The following COPS5 variants were observed in gnomAD, a reference collection of about 807,000 sequenced individuals.
The protein encoded by COPS5 is COP9 signalosome subunit 5, also known as COP9 signalosome complex subunit 5.
COPS5 carries 8 observed loss-of-function variants against 44.4 expected under a neutral mutation model. The ratio of observed to expected loss-of-function variants is 0.18; its 90% CI spans 0.11 to 0.32. COPS5 has a LOEUF of 0.32. Among genes scored for constraint, COPS5 ranks in the 10% least tolerant of loss-of-function variants. The probability of loss-of-function intolerance (pLI) is 1.00; values close to 1 mark genes in which losing one functional copy is unlikely to be tolerated. For missense variants in COPS5, 159 were observed against 406.4 expected, an observed-to-expected ratio of 0.39 and a Z score of 5.23; for synonymous variants, 122 against 142.8, an observed-to-expected ratio of 0.85 and a Z score of 1.04.
Position 67,059,330 on chromosome 8 carries a change from C to T in COPS5, c.259G>A (p.Gly87Ser). 1 of 1,614,182 alleles carries T rather than the reference C, an allele frequency of 6.2e-7. No homozygotes were observed. The highest frequency in any genetic ancestry group is 8.5e-7 in the Non-Finnish European group (1 of 1,180,016). Reference sequence around the variant, plus strand: ...CTGTCCATAATGATCATGGTTTCACCATCCACCTTTCCTAGCATCAGACCC... The same window carrying T: ...CTGTCCATAATGATCATGGTTTCACTATCCACCTTTCCTAGCATCAGACCC... ...VMGLMLGKVD[G>S]ETMIIMDSFA... Residue 87 changes from glycine (G) to serine (S), a missense_variant, in exon 2 of 8, where the codon GGT becomes AGT. Gly to Ser is a moderately conservative substitution (Grantham distance 56). Transcript: ENST00000357849.
chr8:67,054,771 A>C (rs1480613899), intron 5 of COPS5, among the ~76,000 whole-genome samples: 1 of 152,214 alleles, frequency 6.6e-6, no homozygotes, highest in Non-Finnish European at 1.5e-5. Context: ...GCAGTAGATA[A>C]TCATTTATTC....
intron 6 of COPS5, among the ~76,000 whole-genome samples, chr8:67,047,231 GAA>G (rs1404048056): frequency 2.6e-5 from 4 of 152,182 alleles, no homozygotes; most frequent in Non-Finnish European, 4.4e-5. Context: ...CACCAAACAA[GAA>G]AAGTTATTTG....
intron 1 of COPS5, 103 bp from the exon 2 acceptor site, chr8:67,059,548 A>T: frequency 1.2e-6 from 1 of 815,056 alleles, no homozygotes; most frequent in Middle Eastern, 2.8e-4. Flanking sequence ...ATTTAGAGCG[A>T]TGGAAAGGGA....
At chr8:67,054,004 TAAA>T (rs1205430314) in intron 5 of COPS5, among the ~76,000 whole-genome samples, 7 of 128,690 alleles carry the variant, frequency 5.4e-5, no homozygotes, top group South Asian at 2.5e-4. Flanking sequence ...AGACTCCATT[TAAA>T]AAAAAAAAAA....
chr8:67,054,224 G>A (rs530696099), intron 5 of COPS5, among the ~76,000 whole-genome samples: 7 of 152,056 alleles, frequency 4.6e-5, no homozygotes, highest in South Asian at 4.2e-4. Context: ...ATAAACTAAC[G>A]GAATAGACAA....
At chr8:67,056,288 G>A (rs1804500873) in intron 5 of COPS5, among the ~76,000 whole-genome samples, 1 of 152,008 alleles carries the variant, frequency 6.6e-6, no homozygotes, top group South Asian at 2.1e-4. Context: ...GCTTGGACTG[G>A]TTGATATCTA....
chr8:67,057,540 C>T (rs1804531647), intron 3 of COPS5, 95 bp from the exon 4 acceptor site: 1 of 749,292 alleles, frequency 1.3e-6, no homozygotes. Context: ...ACATATAACA[C>T]TATATACATA....
At chr8:67,045,569 T>C in intron 7 of COPS5, 1 of 456,500 alleles carries the variant, frequency 2.2e-6, no homozygotes, top group Non-Finnish European at 3.9e-6. Flanking sequence ...TGACTGGGAG[T>C]GTTCCGTAAC....
intron 5 of COPS5, among the ~76,000 whole-genome samples, chr8:67,054,940 A>C (rs756367607): frequency 4.6e-4 from 70 of 152,368 alleles, no homozygotes; most frequent in Non-Finnish European, 5.0e-4. Flanking sequence ...AAAAGCGGGG[A>C]AAGAGGAAAC....
intron 1 of COPS5, chr8:67,060,178 GTCA>G: frequency 4.1e-6 from 1 of 243,416 alleles, no homozygotes; most frequent in East Asian, 1.4e-4. Flanking sequence ...TTCAGAGTTG[GTCA>G]TCAGTGAATT....
rs186123759 is a variant in COPS5, at chr8:67,059,062, G to A, written c.378+149C>T. 92 of 588,570 alleles carry A rather than the reference G, an allele frequency of 1.6e-4. 1 individual carries two copies. The East Asian group carries it at 2.6e-3, about 17-fold the overall frequency. 36.5% of individuals were successfully genotyped at this position (588,570 alleles called of 1,614,324 possible). Reference sequence around the variant, plus strand: ...AAAAACCATGCTATAAGTCTTATCAGGCTTTTAATCTCGTACATTTTACAT... The same window carrying A: ...AAAAACCATGCTATAAGTCTTATCAAGCTTTTAATCTCGTACATTTTACAT... On this transcript the variant is annotated intron_variant, in intron 2 of 7. Transcript: ENST00000357849.
chr8:67,056,096 C>T (rs982437970), intron 5 of COPS5, among the ~76,000 whole-genome samples: 5 of 151,962 alleles, frequency 3.3e-5, no homozygotes, highest in African/African-American at 9.7e-5. Flanking sequence ...ATATCTTGTA[C>T]ATTAGAAAAA....
chr8:67,057,575 C>T, intron 3 of COPS5, 130 bp from the exon 4 acceptor site: 1 of 497,836 alleles, frequency 2.0e-6, no homozygotes, highest in Non-Finnish European at 3.4e-6. Context: ...AAGAATAAAC[C>T]AAAAAACCAT....
intron 1 of COPS5, 84 bp downstream of exon 1, chr8:67,061,770 A>T: frequency 5.9e-6 from 8 of 1,367,144 alleles, no homozygotes; most frequent in Non-Finnish European, 7.2e-6. Context: ...AAAGCTCTTC[A>T]CCCCTTTCAC....
chr8:67,059,437 T>C lies in COPS5; in HGVS notation c.152A>G (p.Tyr51Cys), dbSNP rs1804554819. ...AAKPWTKDHHYFKYCKISALA... is the reference protein window; with the variant it reads ...AAKPWTKDHHCFKYCKISALA... ...TGCTGAGATTTTGCAGTACTTAAAG[T>C]AATGGTGACTGCAAAACAAAATCAC... The change falls in exon 2 of 8, where the codon TAC becomes TGC. Residue 51 changes from tyrosine to cysteine, a missense_variant. Around this residue, in one of 2 missense-constraint regions of COPS5, gnomAD observed 134 missense variants for 376.7 expected, o/e 0.36. Transcript: ENST00000357849. 5.6e-6 allele frequency: 9 copies of C among 1,608,244 alleles called. No individual in the cohort carries two copies. Among genetic ancestry groups the C allele is most frequent in the Non-Finnish European group, 7.7e-6 (9 of 1,174,618 alleles).
chr8:67,057,374 A>C lies in COPS5; in HGVS notation c.573+6T>G, dbSNP rs748016533. The C allele has an allele frequency of 8.2e-6, 13 of 1,589,630 alleles. No homozygotes were observed. The highest frequency in any genetic ancestry group is 1.0e-5 in the Non-Finnish European group (12 of 1,167,200). ...GACTCTAACTCTTAAAAAAAAAAAA[A>C]GTTACCTTTGGGTATGTCCTAAAGG... On this transcript the variant is annotated splice_donor_region_variant and intron_variant, in intron 4 of 7. Coordinates refer to ENST00000357849, the MANE Select transcript of COPS5 (RefSeq NM_006837.3).
chr8:67,052,626 C>T (rs1804434900), intron 5 of COPS5, among the ~76,000 whole-genome samples: 1 of 151,636 alleles, frequency 6.6e-6, no homozygotes, highest in South Asian at 2.1e-4. Flanking sequence ...CAATGTTGGT[C>T]AGGCTGGTCT....
chr8:67,058,089 T>G lies in COPS5; in HGVS notation c.501A>C (p.Ala167=), dbSNP rs372635592. ...CTGGTTTTAAAATTCTTACCACCAC[T>G]GCTACAAATGGTTCCTGGAACTGCT... The part of the protein sequence containing the change: ...LNQQFQEPFV[A]VVIDPTRTIS... Residue 167 remains alanine, a synonymous_variant, in exon 3 of 8, where the codon GCA becomes GCC. Transcript: ENST00000357849. 6 of 1,613,760 alleles carry G rather than the reference T, an allele frequency of 3.7e-6. No individual in the cohort carries two copies. In the African/African-American group the frequency reaches 8.0e-5, roughly 22 times the overall value.
intron 1 of COPS5, chr8:67,060,551 G>T: frequency 7.9e-7 from 1 of 1,267,904 alleles, no homozygotes; most frequent in Non-Finnish European, 1.0e-6. Flanking sequence ...CTTTACTGGA[G>T]AAAAGAAGAA....
Sources: gnomAD v4.1 joint callset for allele counts (sites outside exome capture counted in the v4.1 genomes callset) on GRCh38, gnomAD v4.1.1 for gene constraint, gnomAD v4.1.1 regional missense constraint, MANE v1.5 for transcripts, NCBI Gene and HGNC (gene_info 2026-07-23, HGNC 2026-07-21) for gene names.